Variants in SPPL2B observed in about 807,000 individuals in gnomAD.
SPPL2B encodes signal peptide peptidase-like 2B.
In SPPL2B, 39 loss-of-function variants were observed where a neutral mutation model predicts 59.7. That is an observed-to-expected ratio of 0.65 (90% confidence interval 0.51 to 0.85). The LOEUF (loss-of-function observed/expected upper bound fraction) is 0.85. Among genes scored for constraint, SPPL2B ranks in the 40% least tolerant of loss-of-function variants. The pLI, the probability that SPPL2B is intolerant of heterozygous loss-of-function variation, is 0.00. For synonymous variants in SPPL2B, 419 were observed against 370.8 expected (o/e 1.13, Z -1.49); for missense variants, 865 against 849.0 (o/e 1.02, Z -0.23).
At chr19:2,341,588 C>T (rs879760061) in intron 8 of SPPL2B, 64 of 456,144 alleles carry the variant, frequency 1.4e-4, no homozygotes, top group Admixed American at 4.7e-4. Flanking sequence ...CGTCCCCGCC[C>T]GGTCCCCACC....
chr19:2,331,534 A>G (rs1467984828), intron 1 of SPPL2B, among the ~76,000 whole-genome samples: 2 of 151,994 alleles, frequency 1.3e-5, no homozygotes, highest in Non-Finnish European at 2.9e-5. Context: ...TCCCGGTGAG[A>G]TGCCGCGTTC....
intron 13 of SPPL2B, among the ~76,000 whole-genome samples, chr19:2,346,323 C>T (rs1969366737): frequency 6.6e-6 from 1 of 152,268 alleles, no homozygotes; most frequent in Non-Finnish European, 1.5e-5. Context: ...TGCAGGTGCC[C>T]CTGGCTTTCC....
chr19:2,333,491 T>A (rs894952348), intron 1 of SPPL2B, among the ~76,000 whole-genome samples: 2 of 152,208 alleles, frequency 1.3e-5, no homozygotes, highest in African/African-American at 4.8e-5. Flanking sequence ...TCTTTCCTCA[T>A]AGCTCCATCC....
intron 14 of SPPL2B, among the ~76,000 whole-genome samples, 188 bp from the exon 15 acceptor site, chr19:2,352,758 C>G (rs1312433510): frequency 6.6e-6 from 1 of 152,190 alleles, no homozygotes; most frequent in Non-Finnish European, 1.5e-5. Flanking sequence ...GCACCTGTGC[C>G]GATGGACAGG....
intron 2 of SPPL2B, among the ~76,000 whole-genome samples, chr19:2,336,286 C>CTG (rs1268871128): frequency 3.6e-4 from 3 of 8,444 alleles, no homozygotes; most frequent in African/African-American, 1.4e-3. Context: ...GCATGTGTGT[C>CTG]TGTATGTGTG....
chr19:2,345,100 C>T (rs900839705), intron 12 of SPPL2B, among the ~76,000 whole-genome samples, 153 bp from the exon 13 acceptor site: 8 of 152,062 alleles, frequency 5.3e-5, no homozygotes, highest in East Asian at 1.9e-4. Context: ...CTGTCCCGAG[C>T]GAGCGTGTGG....
intron 4 of SPPL2B, 73 bp downstream of exon 4, chr19:2,338,914 G>GGTTT: frequency 6.5e-7 from 1 of 1,536,368 alleles, no homozygotes; most frequent in Non-Finnish European, 8.9e-7. Flanking sequence ...CTGCCGGGGG[G>GGTTT]GTTTGTGCCT....
intron 13 of SPPL2B, among the ~76,000 whole-genome samples, chr19:2,347,845 C>CCA (rs60237174): frequency 4.3e-5 from 2 of 46,914 alleles, no homozygotes. Context: ...CGTTCTCTCT[C>CCA]CACACACACA....
chr19:2,348,671 ACACT>A (rs1453024342), intron 13 of SPPL2B, among the ~76,000 whole-genome samples: 28 of 145,048 alleles, frequency 1.9e-4, no homozygotes, highest in Middle Eastern at 4.1e-3. Flanking sequence ...CTCTCCACAC[ACACT>A]CACGCTCTCA....
At chr19:2,335,309 C>T (rs12609497) in intron 2 of SPPL2B, among the ~76,000 whole-genome samples, 114 of 119,012 alleles carry the variant, frequency 9.6e-4, no homozygotes, top group East Asian at 8.4e-3. Context: ...GCCTCCTTTC[C>T]CACTGCATCC....
chr19:2,341,490 T>A (rs76434007), intron 8 of SPPL2B: 50,306 of 444,466 alleles, frequency 0.11, 3,600 homozygotes, highest in African/African-American at 0.2. Flanking sequence ...ACCTCCCACG[T>A]GGCCTGGACT....
rs1222221419 is a variant in SPPL2B at position 2,350,500 on chromosome 19, TTCTC to T, written c.1355-925_1355-922del. Among the ~76,000 whole-genome samples the T allele has an allele frequency of 6.6e-5, 10 of 150,950 alleles. No individual in the cohort carries two copies. In the East Asian group the frequency reaches 7.8e-4, roughly 12 times the overall value. On this transcript the variant is annotated intron_variant, in intron 13 of 14. Coordinates refer to ENST00000613503, the MANE Select transcript of SPPL2B (RefSeq NM_152988.3). The stretch of plus-strand genomic sequence containing the variant: ...TCACGCTTTCATTCGCTTGATTCCA[TTCTC>T]TCTCTCTCCACACACACACTCACGC...
At chr19:2,337,422 A>G in intron 2 of SPPL2B, 21 bp from the exon 3 acceptor site, 1 of 1,577,128 alleles carries the variant, frequency 6.3e-7, no homozygotes, top group Non-Finnish European at 8.6e-7. Flanking sequence ...GTGAGACAAC[A>G]CTGTGCCCTG....
intron 8 of SPPL2B, chr19:2,342,710 C>T (rs558985315): frequency 6.0e-6 from 1 of 166,868 alleles, no homozygotes; most frequent in African/African-American, 2.4e-5. Flanking sequence ...TGCGCACGCA[C>T]CCTCTGCCTG....
rs772562915 is a variant in SPPL2B, at chr19:2,353,136, G to A, written c.1706G>A (p.Gly569Glu). The change falls in exon 15 of 15, where the codon GGG (glycine) becomes GAG (glutamate). Residue 569 changes from glycine (G) to glutamate (E), a missense_variant. By Grantham distance (98) the Gly-to-Glu change is moderately conservative. Coordinates refer to ENST00000613503, the MANE Select transcript of SPPL2B (RefSeq NM_152988.3). ...GCTGGAGCCCCCATGCGGGAGCCTG[G>A]GAGCCCAGCTGAATCCGAGGGCCGG... ...MGAGAPMREPGSPAESEGRDQ... is the reference protein window; with the variant it reads ...MGAGAPMREPESPAESEGRDQ... The A allele has an allele frequency of 6.2e-7, 1 of 1,610,716 alleles. No individual in the cohort carries two copies. Among genetic ancestry groups the A allele is most frequent in the South Asian group, 1.1e-5 (1 of 90,998 alleles).
chr19:2,353,476 G>A lies in SPPL2B; in HGVS notation c.*267G>A, dbSNP rs545509277. Reference sequence around the variant, plus strand: ...GGGTCCATCCTCCCCACCGGGGTCCGTCCTCGCAGGCCCTGCCCGGCCTCT... The same window carrying A: ...GGGTCCATCCTCCCCACCGGGGTCCATCCTCGCAGGCCCTGCCCGGCCTCT... On this transcript the variant is annotated 3_prime_UTR_variant, in exon 15 of 15. Coordinates refer to ENST00000613503, the MANE Select transcript of SPPL2B (RefSeq NM_152988.3). The A allele has an allele frequency of 1.8e-4, 91 of 514,496 alleles. No homozygotes were observed. The highest frequency in any genetic ancestry group is 2.4e-4 in the Non-Finnish European group (70 of 292,458). 31.9% of individuals were successfully genotyped at this position (514,496 alleles called of 1,614,324 possible).
At chr19:2,338,009 C>T (rs961956649) in intron 3 of SPPL2B, 7 of 159,698 alleles carry the variant, frequency 4.4e-5, no homozygotes, top group Non-Finnish European at 8.5e-5. Context: ...GTGCCCTTGC[C>T]CTCTAGCCGG....
intron 13 of SPPL2B, 127 bp from the exon 14 acceptor site, chr19:2,351,307 A>G: frequency 1.4e-6 from 1 of 740,464 alleles, no homozygotes. Flanking sequence ...CTGAACCCCC[A>G]CTGTACCTCT....
At position 2,351,543 on chromosome 19, in the gene SPPL2B, G is replaced by A. The variant is rs1368265550; in HGVS notation, c.1464G>A (p.Val488=). Residue 488 remains valine (V), a synonymous_variant, in exon 14 of 15, where the codon GTG becomes GTA. Transcript: ENST00000613503. Reference sequence around the variant, plus strand: ...GCACGCTGGTGACGAGCTGCGCTGTGGCGCTCTGGCGCCGGGAGCTGGGCG... The same window carrying A: ...GCACGCTGGTGACGAGCTGCGCTGTAGCGCTCTGGCGCCGGGAGCTGGGCG... The part of the protein sequence containing the change: ...VPCTLVTSCA[V]ALWRRELGVF... 1.2e-6 allele frequency: 2 copies of A among 1,611,296 alleles called. No individual in the cohort carries two copies. Among genetic ancestry groups the A allele is most frequent in the Non-Finnish European group, 1.7e-6 (2 of 1,179,404 alleles).
Sources: gnomAD v4.1 joint callset for allele counts (sites outside exome capture counted in the v4.1 genomes callset) on GRCh38, gnomAD v4.1.1 for gene constraint, MANE v1.5 for transcripts, NCBI Gene and HGNC (gene_info 2026-07-23, HGNC 2026-07-21) for gene names.